Variants in NFIB observed in about 807,000 individuals in gnomAD.
The protein encoded by NFIB is nuclear factor 1 B-type.
NFIB carries 11 observed loss-of-function variants against 61.5 expected under a neutral mutation model. The observed-to-expected ratio is 0.18, with a 90% CI of 0.11 to 0.30. NFIB has a LOEUF of 0.30. Ranked by LOEUF, NFIB falls within the 10% of genes least tolerant of loss-of-function variation. The pLI is 1.00. For missense variants in NFIB, 471 were observed against 608.9 expected (o/e 0.77, Z 2.38); for synonymous variants, 260 against 216.5 (o/e 1.20, Z -1.76).
At chr9:14,389,138 C>T (rs574624679) in intron 1 of NFIB, among the ~76,000 whole-genome samples, 6 of 152,206 alleles carry the variant, frequency 3.9e-5, no homozygotes, top group African/African-American at 1.4e-4. Flanking sequence ...TTGCAGTTTC[C>T]TCATATGGCT....
At chr9:14,150,403 C>A (rs2042734303) in intron 4 of NFIB, 138 bp from the exon 5 acceptor site, 2 of 1,392,598 alleles carry the variant, frequency 1.4e-6, no homozygotes, top group South Asian at 1.4e-5. Flanking sequence ...TAATACCCAC[C>A]ATACAACCTG....
the NFIB span, among the ~76,000 whole-genome samples, chr9:14,492,335 C>G: frequency 6.6e-6 from 1 of 151,058 alleles, no homozygotes; most frequent in East Asian, 2.0e-4. Flanking sequence ...TGCACTCCAG[C>G]CTGGGTGACA....
chr9:14,289,790 G>A (rs894371457), intron 2 of NFIB, among the ~76,000 whole-genome samples: 1 of 151,846 alleles, frequency 6.6e-6, no homozygotes, highest in African/African-American at 2.4e-5. Flanking sequence ...ATTCTTCAGA[G>A]AATAATCTTA....
At chr9:14,481,633 G>C in the NFIB span, among the ~76,000 whole-genome samples, 42 of 151,994 alleles carry the variant, frequency 2.8e-4, no homozygotes, top group African/African-American at 9.9e-4. Flanking sequence ...CCCAAAATTT[G>C]CCTGACCACC....
chr9:14,463,569 T>G, the NFIB span, among the ~76,000 whole-genome samples: 1 of 151,974 alleles, frequency 6.6e-6, no homozygotes, highest in Non-Finnish European at 1.5e-5. Context: ...CATCGTTAAG[T>G]GAATTTTCCC....
At chr9:14,513,351 C>T in the NFIB span, among the ~76,000 whole-genome samples, 2 of 152,010 alleles carry the variant, frequency 1.3e-5, no homozygotes, top group Non-Finnish European at 2.9e-5. Flanking sequence ...AAATGAAGGC[C>T]GGGTGTGGTG....
At position 14,241,078 on chromosome 9, in the gene NFIB, A is replaced by G. The variant is rs528684749; in HGVS notation, c.563-61298T>C. The stretch of plus-strand genomic sequence containing the variant: ...CAGCCGCAGCTGAGAAAGAAAGCAC[A>G]TGGCAAGAATACACTCAGGCACCGA... On this transcript the variant is annotated intron_variant, in intron 2 of 10. Coordinates refer to ENST00000380953, the MANE Select transcript of NFIB (RefSeq NM_001190737.2). 2.9e-4 allele frequency among the ~76,000 whole-genome samples: 44 copies of G among 152,364 alleles called. No homozygotes were observed. The South Asian group carries it at 7.9e-3, about 27-fold the overall frequency.
At chr9:14,216,156 G>C (rs111537672) in intron 2 of NFIB, among the ~76,000 whole-genome samples, 3 of 152,282 alleles carry the variant, frequency 2.0e-5, no homozygotes, top group Admixed American at 6.5e-5. Flanking sequence ...GGCTACCTTA[G>C]AAGCTACCTA....
At chr9:14,411,159 C>G in the NFIB span, among the ~76,000 whole-genome samples, 2 of 152,076 alleles carry the variant, frequency 1.3e-5, no homozygotes, top group African/African-American at 4.8e-5. Flanking sequence ...CTAAGAATCC[C>G]CAACCTTCAG....
In NFIB at chr9:14,369,537, T is replaced by C. The variant is rs570376137; in HGVS notation, c.108+28987A>G. 4.6e-5 allele frequency among the ~76,000 whole-genome samples: 7 copies of C among 152,088 alleles called. No homozygotes were observed. In the East Asian group the frequency reaches 1.4e-3, roughly 30 times the overall value. On this transcript the variant is annotated intron_variant, in intron 1 of 8. Transcript: ENST00000380934. ...CAGAAGGTGCTTCAGCTTTAACATC[T>C]CCAAGCCAGAACTCCTCAATCAGCC...
chr9:14,119,836 T>A (rs1036182571), intron 8 of NFIB, among the ~76,000 whole-genome samples: 1 of 152,088 alleles, frequency 6.6e-6, no homozygotes, highest in African/African-American at 2.4e-5. Flanking sequence ...GAGTGAGAAA[T>A]GCTCATGAGT....
intron 2 of NFIB, among the ~76,000 whole-genome samples, chr9:14,233,374 G>A (rs1185472721): frequency 2.7e-5 from 4 of 149,908 alleles, no homozygotes; most frequent in African/African-American, 9.8e-5. Flanking sequence ...ACCATAAAGA[G>A]CTTTGGTGAA....
At chr9:14,340,204 C>T (rs1441704842) in intron 1 of NFIB, among the ~76,000 whole-genome samples, 1 of 152,118 alleles carries the variant, frequency 6.6e-6, no homozygotes, top group African/African-American at 2.4e-5. Flanking sequence ...ATTTTCCTAC[C>T]ACATTTTAAC....
At chr9:14,211,706 G>C (rs540105268) in intron 2 of NFIB, among the ~76,000 whole-genome samples, 2 of 152,344 alleles carry the variant, frequency 1.3e-5, no homozygotes, top group South Asian at 2.1e-4. Flanking sequence ...CTGCGGGGCC[G>C]TCTGAGCTGT....
chr9:14,435,550 A>C, the NFIB span, among the ~76,000 whole-genome samples: 40 of 152,238 alleles, frequency 2.6e-4, no homozygotes, highest in Admixed American at 5.2e-4. Flanking sequence ...AGATAAGTAC[A>C]TGTCAACCTA....
chr9:14,120,188 T>A lies in NFIB; in HGVS notation c.1245+252A>T, dbSNP rs565481154. ...TGTCAATGTACTTTCTGCATAAACT[T>A]TCCCTTCAGTCAGTGAAAATCCAAA... On this transcript the variant is annotated intron_variant, in intron 8 of 10. Transcript: ENST00000380953. The surrounding 1 kb of genome is among the most constrained non-coding windows in gnomAD (Gnocchi z 4.4). Among the ~76,000 whole-genome samples the A allele has an allele frequency of 3.3e-5, 5 of 152,182 alleles. No individual in the cohort carries two copies. Among genetic ancestry groups the A allele is most frequent in the African/African-American group, 1.2e-4 (5 of 41,438 alleles).
Position 14,120,340 on chromosome 9 carries a change from A to T in NFIB, c.1245+100T>A. 1.6e-6 allele frequency: 2 copies of T among 1,283,936 alleles called. No individual in the cohort carries two copies. The highest frequency in any genetic ancestry group is 2.5e-5 in the South Asian group (2 of 81,252). The allele number at this position is 1,283,936 out of a possible 1,614,324, so 79.5% of individuals were successfully genotyped here. The stretch of plus-strand genomic sequence containing the variant: ...TCCTGAAGATGGATTTCAAGGCTTG[A>T]CGTTCTGCCAGACACACTGTCTGAC... On this transcript the variant is annotated intron_variant, in intron 8 of 10. Coordinates refer to ENST00000380953, the MANE Select transcript of NFIB (RefSeq NM_001190737.2). The surrounding 1 kb of genome is among the most constrained non-coding windows in gnomAD (Gnocchi z 4.4).
chr9:14,263,413 T>A (rs112907345), intron 2 of NFIB, among the ~76,000 whole-genome samples: 1 of 152,190 alleles, frequency 6.6e-6, no homozygotes, highest in African/African-American at 2.4e-5. Flanking sequence ...CAAAACCAAG[T>A]ACGTACTCTT....
intron 2 of NFIB, among the ~76,000 whole-genome samples, chr9:14,209,316 C>G (rs1235558498): frequency 1.3e-5 from 2 of 152,128 alleles, no homozygotes; most frequent in East Asian, 1.9e-4. Context: ...GGAAAAGGAT[C>G]ACAATCGATA....
Sources: allele counts gnomAD v4.1 joint callset (sites outside exome capture counted in the v4.1 genomes callset), GRCh38; gene constraint gnomAD v4.1.1; non-coding constraint Gnocchi (gnomAD v3.1); transcripts MANE v1.5; gene names NCBI Gene and HGNC (gene_info 2026-07-23, HGNC 2026-07-21).